The following ADAMTSL1 variants were observed in gnomAD, a reference collection of about 807,000 sequenced individuals.
The protein encoded by ADAMTSL1 is ADAMTS like 1, also known as ADAMTS-like protein 1.
In ADAMTSL1, 126 loss-of-function variants were observed where a neutral mutation model predicts 201.8. That is an observed-to-expected ratio of 0.62 (90% CI 0.54 to 0.72). The LOEUF is 0.72. Ranked by LOEUF, ADAMTSL1 falls within the 30% of genes least tolerant of loss-of-function variation. ADAMTSL1 has a pLI of 0.00. For synonymous variants in ADAMTSL1, 1,121 were observed against 903.4 expected (o/e 1.24, Z -4.32); for missense variants, 2,679 against 2,277.8 (o/e 1.18, Z -3.59).
chr9:18,716,064 T>C (rs1832910063), intron 14 of ADAMTSL1, among the ~76,000 whole-genome samples: 1 of 150,664 alleles, frequency 6.6e-6, no homozygotes, highest in African/African-American at 2.4e-5. Flanking sequence ...ATCCCTTCCT[T>C]ACACCTTATA....
intron 2 of ADAMTSL1, among the ~76,000 whole-genome samples, chr9:18,408,092 T>C (rs1818279490): frequency 6.6e-6 from 1 of 152,216 alleles, no homozygotes; most frequent in Admixed American, 6.5e-5. Context: ...TTATAGCCTA[T>C]GGCTAAAGAT....
At chr9:18,544,698 A>G (rs978076689) in intron 3 of ADAMTSL1, among the ~76,000 whole-genome samples, 3 of 152,216 alleles carry the variant, frequency 2.0e-5, no homozygotes, top group African/African-American at 7.2e-5. Context: ...ATTGATGGCT[A>G]ATGCCAAGCA....
chr9:18,820,898 G>A (rs1471815592), intron 21 of ADAMTSL1, among the ~76,000 whole-genome samples: 2 of 152,206 alleles, frequency 1.3e-5, no homozygotes, highest in Non-Finnish European at 2.9e-5. Context: ...AATGGGAACA[G>A]AATGTGCAAA....
intron 15 of ADAMTSL1, among the ~76,000 whole-genome samples, chr9:18,733,658 C>G (rs1309183575): frequency 7.0e-6 from 1 of 142,390 alleles, no homozygotes; most frequent in African/African-American, 2.6e-5. Flanking sequence ...CTCGCTCACT[C>G]TCTCTCTCTG....
chr9:18,062,518 A>G (rs967464403), intron 1 of ADAMTSL1, among the ~76,000 whole-genome samples: 8 of 152,196 alleles, frequency 5.3e-5, no homozygotes, highest in African/African-American at 1.9e-4. Context: ...GATTTTCCAT[A>G]TACAGGCTAC....
chr9:18,384,235 C>G (rs879376202), intron 2 of ADAMTSL1, among the ~76,000 whole-genome samples: 8 of 152,034 alleles, frequency 5.3e-5, no homozygotes, highest in African/African-American at 1.7e-4. Context: ...CAGGCACTAT[C>G]CTCACATGGC....
intron 1 of ADAMTSL1, among the ~76,000 whole-genome samples, chr9:18,493,324 C>T (rs1191065177): frequency 6.6e-6 from 1 of 152,198 alleles, no homozygotes; most frequent in Non-Finnish European, 1.5e-5. Context: ...AATTTTTACA[C>T]TCATTAAAAA....
intron 9 of ADAMTSL1, among the ~76,000 whole-genome samples, chr9:18,665,770 T>C (rs1829392509): frequency 6.6e-6 from 1 of 152,136 alleles, no homozygotes; most frequent in African/African-American, 2.4e-5. Flanking sequence ...CTACTAGTTC[T>C]TGAGGCTGAA....
At chr9:18,002,031 G>A (rs1563943150) in intron 1 of ADAMTSL1, among the ~76,000 whole-genome samples, 1 of 151,950 alleles carries the variant, frequency 6.6e-6, no homozygotes, top group African/African-American at 2.4e-5. Flanking sequence ...ACTGTGGAGG[G>A]AGGGCTGTAC....
At chr9:18,619,145 A>G (rs1455482156) in intron 4 of ADAMTSL1, among the ~76,000 whole-genome samples, 1 of 152,212 alleles carries the variant, frequency 6.6e-6, no homozygotes, top group Non-Finnish European at 1.5e-5. Flanking sequence ...GGGCCAATTA[A>G]GCCCATTTTT....
At chr9:18,585,667 A>G (rs369152919) in intron 4 of ADAMTSL1, among the ~76,000 whole-genome samples, 9 of 152,322 alleles carry the variant, frequency 5.9e-5, no homozygotes, top group African/African-American at 2.2e-4. Flanking sequence ...AAAACTTCAG[A>G]TCAATATCCT....
At chr9:18,767,794 A>G (rs1383505458) in intron 16 of ADAMTSL1, among the ~76,000 whole-genome samples, 2 of 152,256 alleles carry the variant, frequency 1.3e-5, no homozygotes, top group Non-Finnish European at 2.9e-5. Context: ...TGCTTCTTCA[A>G]TACAGAAGAG....
At chr9:18,612,275 T>C (rs376057825) in intron 4 of ADAMTSL1, among the ~76,000 whole-genome samples, 8 of 152,180 alleles carry the variant, frequency 5.3e-5, no homozygotes, top group Non-Finnish European at 1.2e-4. Flanking sequence ...CTTAGAGATC[T>C]TTTTCTTTTA....
rs751689870 is a variant in ADAMTSL1 at position 18,079,669 on chromosome 9, G to A, written c.88-84193G>A. Among the ~76,000 whole-genome samples the A allele has an allele frequency of 2.9e-4, 43 of 150,270 alleles. 1 individual carries two copies. Among genetic ancestry groups the A allele is most frequent in the South Asian group, 8.5e-4 (4 of 4,720 alleles). ...TGCACTCCAGTCTGGGAGACAGAGC[G>A]AGACTCTGTCTCAAAATAAATAAAT... On this transcript the variant is annotated intron_variant, in intron 1 of 29. Transcript: ENST00000680146.
intron 23 of ADAMTSL1, among the ~76,000 whole-genome samples, chr9:18,853,848 A>C (rs530914345): frequency 2.6e-5 from 4 of 151,072 alleles, no homozygotes; most frequent in Non-Finnish European, 5.9e-5. Context: ...TCCTGTTCTA[A>C]GTCCAGTACT....
chr9:18,617,720 A>G (rs562101931), intron 4 of ADAMTSL1, among the ~76,000 whole-genome samples: 29 of 152,316 alleles, frequency 1.9e-4, no homozygotes, highest in Non-Finnish European at 3.5e-4. Context: ...AGTGGTATCT[A>G]AACAATGAAA....
At chr9:18,288,984 T>C (rs1339779212) in intron 2 of ADAMTSL1, among the ~76,000 whole-genome samples, 2 of 152,246 alleles carry the variant, frequency 1.3e-5, no homozygotes, top group African/African-American at 4.8e-5. Context: ...AAAGTAATTA[T>C]ACCAGATGAT....
chr9:18,261,830 A>C (rs1831936970), intron 2 of ADAMTSL1, among the ~76,000 whole-genome samples: 2 of 152,196 alleles, frequency 1.3e-5, no homozygotes, highest in Non-Finnish European at 2.9e-5. Context: ...AAATAAAATC[A>C]AAAACGGAAT....
At chr9:18,780,676 C>T (rs960712484) in intron 19 of ADAMTSL1, among the ~76,000 whole-genome samples, 6 of 152,054 alleles carry the variant, frequency 3.9e-5, no homozygotes, top group African/African-American at 1.4e-4. Context: ...ATATATTTTA[C>T]TGTATTACAT....
Sources: allele counts gnomAD v4.1 joint callset (sites outside exome capture counted in the v4.1 genomes callset), GRCh38; gene constraint gnomAD v4.1.1; transcripts MANE v1.5; gene names NCBI Gene and HGNC (gene_info 2026-07-23, HGNC 2026-07-21).